Variants in ATF7IP2 observed in about 807,000 individuals in gnomAD.
ATF7IP2 encodes activating transcription factor 7 interacting protein 2.
Under a neutral mutation model 64.2 loss-of-function variants are expected in ATF7IP2, and 42 were observed. That is an observed-to-expected ratio of 0.65 (90% CI 0.51 to 0.85). ATF7IP2 has a LOEUF of 0.85. Among genes scored for constraint, ATF7IP2 ranks in the 40% least tolerant of loss-of-function variants. ATF7IP2 has a pLI of 0.00. For synonymous variants in ATF7IP2, 308 were observed against 272.8 expected (o/e 1.13, Z -1.27); for missense variants, 933 against 784.2 (o/e 1.19, Z -2.27).
intron 1 of ATF7IP2, among the ~76,000 whole-genome samples, chr16:10,411,679 A>G (rs1213780002): frequency 1.3e-5 from 2 of 151,946 alleles, no homozygotes; most frequent in African/African-American, 2.4e-5. Flanking sequence ...TATGTTGGCA[A>G]TTTTTTAATT....
intron 1 of ATF7IP2, among the ~76,000 whole-genome samples, chr16:10,390,427 T>G (rs936707639): frequency 3.9e-5 from 6 of 152,216 alleles, no homozygotes; most frequent in Admixed American, 3.9e-4. Flanking sequence ...TTTTCAAAAC[T>G]TGTGGGCTCA....
chr16:10,406,679 C>G (rs1437975302), intron 1 of ATF7IP2, among the ~76,000 whole-genome samples: 2 of 152,082 alleles, frequency 1.3e-5, no homozygotes, highest in Non-Finnish European at 2.9e-5. Flanking sequence ...TGGATCCATT[C>G]CTAGGCACAT....
intron 8 of ATF7IP2, among the ~76,000 whole-genome samples, chr16:10,441,297 C>A (rs1392309697): frequency 1.3e-5 from 2 of 152,144 alleles, no homozygotes; most frequent in African/African-American, 4.8e-5. Flanking sequence ...TGTGGTAGTT[C>A]TGGTTCTATA....
At chr16:10,425,981 G>A (rs2048078162) in intron 3 of ATF7IP2, among the ~76,000 whole-genome samples, 1 of 152,012 alleles carries the variant, frequency 6.6e-6, no homozygotes, top group African/African-American at 2.4e-5. Flanking sequence ...GTACAGATTA[G>A]ATAATTTTAT....
At chr16:10,406,304 C>T (rs1280514522) in intron 1 of ATF7IP2, among the ~76,000 whole-genome samples, 1 of 151,966 alleles carries the variant, frequency 6.6e-6, no homozygotes, top group Non-Finnish European at 1.5e-5. Context: ...TGGGGTTTTG[C>T]CACGTTGCTT....
chr16:10,433,204 G>A (rs2048313967), intron 5 of ATF7IP2, among the ~76,000 whole-genome samples: 1 of 152,018 alleles, frequency 6.6e-6, no homozygotes, highest in African/African-American at 2.4e-5. Context: ...CTTGAAACAG[G>A]GTCTCACTGT....
chr16:10,435,110 A>C (rs2048378186), intron 6 of ATF7IP2, among the ~76,000 whole-genome samples: 1 of 152,198 alleles, frequency 6.6e-6, no homozygotes. Context: ...CTAAATAGCT[A>C]GCTTTTCCTC....
chr16:10,444,598 C>G (rs1426678784), intron 8 of ATF7IP2, among the ~76,000 whole-genome samples: 11 of 152,130 alleles, frequency 7.2e-5, no homozygotes, highest in Admixed American at 7.2e-4. Flanking sequence ...TACGTAATGT[C>G]TTTTTGAGGG....
chr16:10,479,202 G>A (rs1181343681), intron 12 of ATF7IP2, among the ~76,000 whole-genome samples: 3 of 149,222 alleles, frequency 2.0e-5, no homozygotes, highest in Non-Finnish European at 3.0e-5. Flanking sequence ...ACATGCACAC[G>A]TATGTTTATT....
At chr16:10,465,679 G>A (rs181928748) in intron 9 of ATF7IP2, among the ~76,000 whole-genome samples, 122 of 148,296 alleles carry the variant, frequency 8.2e-4, no homozygotes, top group Non-Finnish European at 1.2e-3. Flanking sequence ...GTGGAGGTTG[G>A]CGTCATCCGA....
intron 10 of ATF7IP2, 51 bp from the exon 11 acceptor site, chr16:10,473,428 A>C: frequency 8.9e-7 from 1 of 1,128,864 alleles, no homozygotes; most frequent in Non-Finnish European, 1.3e-6. Flanking sequence ...ATATTTCACA[A>C]AGCCCATAAA....
intron 8 of ATF7IP2, chr16:10,454,482 G>A (rs1262526224): frequency 6.8e-6 from 1 of 146,320 alleles, no homozygotes; most frequent in African/African-American, 2.5e-5. Context: ...GTGTATCACT[G>A]TACTTTGTTT....
At chr16:10,401,214 C>T (rs920378366) in intron 1 of ATF7IP2, among the ~76,000 whole-genome samples, 1 of 152,048 alleles carries the variant, frequency 6.6e-6, no homozygotes, top group African/African-American at 2.4e-5. Flanking sequence ...GTTGCCCAAG[C>T]TGCAGTGCAG....
chr16:10,438,727 T>A, intron 7 of ATF7IP2, among the ~76,000 whole-genome samples: 1 of 152,166 alleles, frequency 6.6e-6, no homozygotes, highest in Non-Finnish European at 1.5e-5. Context: ...CTCAGAACTG[T>A]TAGGCATTCT....
Position 10,473,473 on chromosome 16 carries a change from T to C in ATF7IP2, c.1427-6T>C, listed in dbSNP as rs375852723. 111 of 1,543,792 alleles carry C rather than the reference T, an allele frequency of 7.2e-5. No homozygotes were observed. The highest frequency in any genetic ancestry group is 9.0e-5 in the Non-Finnish European group (101 of 1,121,432). On this transcript the variant is annotated splice_region_variant and splice_polypyrimidine_tract_variant and intron_variant, in intron 10 of 13. Coordinates refer to ENST00000562102, the MANE Select transcript of ATF7IP2 (RefSeq NM_001393719.1). Reference sequence around the variant, plus strand: ...ATAAATTTGTCAAATGTCTAATTTCTTTCAGATACCAGAAAAATTACATCA... The same window carrying C: ...ATAAATTTGTCAAATGTCTAATTTCCTTCAGATACCAGAAAAATTACATCA...
intron 1 of ATF7IP2, among the ~76,000 whole-genome samples, chr16:10,393,168 G>A (rs2047360011): frequency 6.6e-6 from 1 of 151,842 alleles, no homozygotes; most frequent in African/African-American, 2.4e-5. Context: ...GCATTAGCTG[G>A]GCATGGTGGT....
At position 10,431,337 on chromosome 16, in the gene ATF7IP2, C is replaced by A; in HGVS notation, c.717C>A (p.Val239=). ...VEKTPNLVNS[V]TSNNCADDIL... ...AAACACCTAATTTGGTGAATTCAGT[C>A]ACTTCTAACAACTGTGCTGATGACA... The change falls in exon 5 of 14, where the codon GTC becomes GTA. Residue 239 remains valine, a synonymous_variant. Coordinates refer to ENST00000562102, the MANE Select transcript of ATF7IP2 (RefSeq NM_001393719.1). The A allele has an allele frequency of 1.2e-6, 2 of 1,614,124 alleles. No homozygotes were observed. Among genetic ancestry groups the A allele is most frequent in the South Asian group, 1.1e-5 (1 of 91,048 alleles).
At chr16:10,433,455 ATG>A in intron 5 of ATF7IP2, 68 bp from the exon 6 acceptor site, 1 of 1,430,812 alleles carries the variant, frequency 7.0e-7, no homozygotes, top group South Asian at 1.2e-5. Flanking sequence ...GATTACAGAC[ATG>A]AGCCACCACA....
Position 10,475,195 on chromosome 16 carries a change from T to C in ATF7IP2, c.1549+1206T>C, listed in dbSNP as rs534515923. Among the ~76,000 whole-genome samples the C allele has an allele frequency of 7.9e-5, 12 of 152,242 alleles. No individual in the cohort carries two copies. In the South Asian group the frequency reaches 2.3e-3, roughly 29 times the overall value. ...ATTGTAGAATGTATATAGAAGTCAG[T>C]AGATGAAAACAGTAGTGCAAAAGAT... On this transcript the variant is annotated intron_variant, in intron 12 of 13. Transcript: ENST00000562102.
Sources: allele counts gnomAD v4.1 joint callset (sites outside exome capture counted in the v4.1 genomes callset), GRCh38; gene constraint gnomAD v4.1.1; transcripts MANE v1.5; gene names NCBI Gene and HGNC (gene_info 2026-07-23, HGNC 2026-07-21).